Variants in COX7B2 observed in about 807,000 individuals in gnomAD.
COX7B2 encodes cytochrome c oxidase subunit 7B2, also known as cytochrome c oxidase subunit 7B2, mitochondrial.
For missense variants in COX7B2, 109 were observed against 95.9 expected (o/e 1.14, Z -0.57); for synonymous variants, 37 against 32.1 (o/e 1.15, Z -0.51).
chr4:46,832,467 T>C (rs1460242290), intron 2 of COX7B2, among the ~76,000 whole-genome samples: 3 of 152,128 alleles, frequency 2.0e-5, no homozygotes, highest in Non-Finnish European at 4.4e-5. Context: ...GTGTCACATA[T>C]TATTTCTGTT....
intron 1 of COX7B2, among the ~76,000 whole-genome samples, chr4:46,870,459 T>C (rs1164157455): frequency 1.3e-5 from 2 of 152,094 alleles, no homozygotes; most frequent in Admixed American, 1.3e-4. Flanking sequence ...CCACTGCTTT[T>C]CAACATAGTA....
chr4:46,836,347 T>TA (rs869060557), intron 2 of COX7B2, among the ~76,000 whole-genome samples: 2 of 151,858 alleles, frequency 1.3e-5, no homozygotes, highest in Admixed American at 6.6e-5. Context: ...TTTCTCTATT[T>TA]AAAAAATTTT....
rs540699238 is a variant in COX7B2, at chr4:46,794,280, A to G, written c.-50+50680T>C. On this transcript the variant is annotated intron_variant, in intron 2 of 2. Transcript: ENST00000355591. ...ATATATTGACATGGACTCACAAAAC[A>G]GAGATTCTGCATTTAATGTTGCAGT... Among the ~76,000 whole-genome samples, 24 of 152,354 alleles carry G rather than the reference A, an allele frequency of 1.6e-4. No individual in the cohort carries two copies. The South Asian group carries it at 1.7e-3, about 11-fold the overall frequency.
intron 2 of COX7B2, among the ~76,000 whole-genome samples, chr4:46,774,435 A>T: frequency 1.3e-5 from 2 of 152,238 alleles, no homozygotes; most frequent in South Asian, 4.1e-4. Flanking sequence ...CATGCATGTC[A>T]GAAGATTTCC....
At chr4:46,865,235 G>C (rs1241274970) in intron 1 of COX7B2, among the ~76,000 whole-genome samples, 3 of 152,076 alleles carry the variant, frequency 2.0e-5, no homozygotes, top group Non-Finnish European at 2.9e-5. Context: ...ACTTCACTTA[G>C]AATAATGGCC....
intron 1 of COX7B2, among the ~76,000 whole-genome samples, chr4:46,850,113 T>G (rs548609324): frequency 6.6e-6 from 1 of 152,052 alleles, no homozygotes; most frequent in African/African-American, 2.4e-5. Flanking sequence ...TTAGGGAAGA[T>G]AGATAAATTG....
chr4:46,768,023 G>A (rs775005247), intron 2 of COX7B2, among the ~76,000 whole-genome samples: 10 of 152,362 alleles, frequency 6.6e-5, no homozygotes, highest in East Asian at 5.8e-4. Flanking sequence ...CCCCAGCAGC[G>A]TCAGCGGTTG....
chr4:46,803,439 CCA>C (rs1467865515), intron 2 of COX7B2, among the ~76,000 whole-genome samples: 1 of 151,924 alleles, frequency 6.6e-6, no homozygotes, highest in Admixed American at 6.6e-5. Flanking sequence ...TGCTCCCTGT[CCA>C]GTTACAATGA....
intron 2 of COX7B2, among the ~76,000 whole-genome samples, chr4:46,784,235 A>G (rs988407916): frequency 2.0e-5 from 3 of 152,236 alleles, no homozygotes; most frequent in Non-Finnish European, 4.4e-5. Context: ...CAGGCTGTGC[A>G]TTACAAAAAA....
chr4:46,766,247 C>A (rs1475210142), intron 2 of COX7B2, among the ~76,000 whole-genome samples: 1 of 152,142 alleles, frequency 6.6e-6, no homozygotes, highest in Non-Finnish European at 1.5e-5. Context: ...TCAGAATATT[C>A]TTTTATTGTA....
intron 2 of COX7B2, among the ~76,000 whole-genome samples, chr4:46,761,342 GCCAAGGTAT>G (rs1412910393): frequency 6.6e-6 from 1 of 152,110 alleles, no homozygotes; most frequent in East Asian, 1.9e-4. Flanking sequence ...TTTTCATGCA[GCCAAGGTAT>G]CCATTAAAGA....
intron 2 of COX7B2, among the ~76,000 whole-genome samples, chr4:46,767,021 G>A (rs1716581945): frequency 6.6e-6 from 1 of 152,108 alleles, no homozygotes; most frequent in East Asian, 1.9e-4. Flanking sequence ...ATTAATAACT[G>A]CTTTAACTGT....
intron 1 of COX7B2, among the ~76,000 whole-genome samples, chr4:46,851,624 G>T (rs1009380523): frequency 6.6e-6 from 1 of 151,946 alleles, no homozygotes; most frequent in East Asian, 1.9e-4. Flanking sequence ...TCCTATTCAG[G>T]ATCTAACACT....
intron 2 of COX7B2, among the ~76,000 whole-genome samples, chr4:46,788,597 C>T (rs1329936495): frequency 6.6e-6 from 1 of 152,102 alleles, no homozygotes; most frequent in Non-Finnish European, 1.5e-5. Context: ...GGTTTCACTA[C>T]AATTGATAAA....
At chr4:46,795,523 TA>T (rs1441114045) in intron 2 of COX7B2, among the ~76,000 whole-genome samples, 1 of 144,180 alleles carries the variant, frequency 6.9e-6, no homozygotes, top group African/African-American at 2.8e-5. Flanking sequence ...TATTTGGCAT[TA>T]TTTCTGAGGG....
At chr4:46,811,381 C>A (rs1030396135) in intron 2 of COX7B2, among the ~76,000 whole-genome samples, 1 of 151,618 alleles carries the variant, frequency 6.6e-6, no homozygotes, top group African/African-American at 2.4e-5. Flanking sequence ...AAGACCTATA[C>A]TGCAGTTCAA....
chr4:46,903,801 C>T (rs1417884420), intron 1 of COX7B2: 2 of 152,122 alleles, frequency 1.3e-5, no homozygotes, highest in Non-Finnish European at 2.9e-5. Context: ...ACTATATAGC[C>T]TATGTGTGTA....
At chr4:46,866,935 GACTCCACC>G (rs1211426305) in intron 1 of COX7B2, among the ~76,000 whole-genome samples, 1 of 152,138 alleles carries the variant, frequency 6.6e-6, no homozygotes, top group African/African-American at 2.4e-5. Flanking sequence ...CCAGGGTACT[GACTCCACC>G]TATATCCAGT....
At chr4:46,879,903 A>G (rs1045920376) in intron 1 of COX7B2, among the ~76,000 whole-genome samples, 4 of 152,170 alleles carry the variant, frequency 2.6e-5, no homozygotes, top group African/African-American at 9.7e-5. Flanking sequence ...ATGAGAACTC[A>G]CAGTTTTTTT....
Sources: allele counts gnomAD v4.1 joint callset (sites outside exome capture counted in the v4.1 genomes callset), GRCh38; gene constraint gnomAD v4.1.1; transcripts MANE v1.5; gene names NCBI Gene and HGNC (gene_info 2026-07-23, HGNC 2026-07-21).